Variants in PRH1 observed in about 807,000 individuals in gnomAD.
PRH1 encodes salivary acidic proline-rich phosphoprotein 1/2.
A neutral mutation model predicts 7.9 loss-of-function variants in PRH1; 7 were observed. The ratio of observed to expected loss-of-function variants is 0.89; its 90% CI spans 0.50 to 1.67. The LOEUF is 1.67. PRH1 is among the 40% of genes most tolerant of loss of function. PRH1 has a pLI of 0.00. For missense variants in PRH1, 109 were observed against 223.6 expected (o/e 0.49, Z 3.27); for synonymous variants, 45 against 80.8 (o/e 0.56, Z 2.38).
chr12:11,120,496 C>G (rs1246850047), downstream of PRH1, among the ~76,000 whole-genome samples: 1 of 152,152 alleles, frequency 6.6e-6, no homozygotes, highest in Non-Finnish European at 1.5e-5. Context: ...AGTAACTCTA[C>G]AGCTTTTTTA....
At chr12:10,970,226 G>T (rs1938740917) in intron 2 of PRH1, among the ~76,000 whole-genome samples, 1 of 152,092 alleles carries the variant, frequency 6.6e-6, no homozygotes, top group South Asian at 2.1e-4. Flanking sequence ...CTAATAGAGA[G>T]CCAAAAAATT....
At chr12:11,053,591 A>G (rs1943241247) in intron 1 of PRH1, among the ~76,000 whole-genome samples, 1 of 152,262 alleles carries the variant, frequency 6.6e-6, no homozygotes. Context: ...CTTTCCCACA[A>G]TGATATCTCT....
chr12:11,161,744 A>G (rs1947421717), intron 1 of PRH1, among the ~76,000 whole-genome samples: 1 of 152,202 alleles, frequency 6.6e-6, no homozygotes, highest in African/African-American at 2.4e-5. Flanking sequence ...GAGGCCCATT[A>G]AGACTTTTCA....
intron 1 of PRH1, among the ~76,000 whole-genome samples, chr12:11,129,144 C>T (rs1240383738): frequency 6.6e-6 from 1 of 152,258 alleles, no homozygotes; most frequent in African/African-American, 2.4e-5. Flanking sequence ...GGAACTCCTG[C>T]TCTCAAGGGA....
intron 1 of PRH1, among the ~76,000 whole-genome samples, chr12:11,103,597 G>A (rs1945321848): frequency 6.6e-6 from 1 of 151,946 alleles, no homozygotes; most frequent in Non-Finnish European, 1.5e-5. Flanking sequence ...TAAATGACGA[G>A]TTAATGGGTG....
chr12:11,160,497 GT>G (rs1947382227), intron 1 of PRH1, among the ~76,000 whole-genome samples: 1 of 152,132 alleles, frequency 6.6e-6, no homozygotes, highest in African/African-American at 2.4e-5. Flanking sequence ...TTGAGACAGA[GT>G]GAGACTCCAT....
rs1162598227 is a variant in PRH1 at position 11,079,799 on chromosome 12, A to G, written n.124-32611T>C. Among the ~76,000 whole-genome samples the G allele has an allele frequency of 1.7e-5, 2 of 116,794 alleles. 1 individual carries two copies. Among genetic ancestry groups the G allele is most frequent in the African/African-American group, 5.7e-5 (2 of 34,854 alleles). 76.6% of individuals were successfully genotyped at this position (116,794 alleles called of 152,430 possible). A position where few individuals can be genotyped will look rare whatever the true frequency, so the allele number is the denominator to read the frequency against. ...GTTTCAGAAAGGTGCAACTAAAATC[A>G]GAAAGTTTCTACTTAAAATCGCTTA... On this transcript the variant is annotated intron_variant and non_coding_transcript_variant, in intron 1 of 4. Transcript: ENST00000541977.
At chr12:11,119,157 T>C (rs543265907), downstream of PRH1, among the ~76,000 whole-genome samples, 11 of 152,188 alleles carry the variant, frequency 7.2e-5, no homozygotes, top group African/African-American at 2.6e-4. Flanking sequence ...ATAACTGCAA[T>C]GTTTGTGCAG....
chr12:11,152,728 C>T (rs1005780933), intron 1 of PRH1, among the ~76,000 whole-genome samples: 3 of 152,152 alleles, frequency 2.0e-5, no homozygotes, highest in Admixed American at 6.5e-5. Flanking sequence ...AATTTCCATG[C>T]CCATTAATGT....
At chr12:11,150,263 G>A (rs1447858275) in intron 1 of PRH1, among the ~76,000 whole-genome samples, 25 of 151,878 alleles carry the variant, frequency 1.6e-4, no homozygotes, top group Middle Eastern at 3.4e-3. Context: ...TCAGTGTGGC[G>A]ATTCCTCAGG....
rs775381196 is a variant in PRH1 at position 10,929,267 on chromosome 12, C to T, written c.-59+44388G>A. ...AAGTTGGGAGTGACACCAGAGCCTT[C>T]TGCAAGATGCTTCTGATTCTGCTGT... On this transcript the variant is annotated intron_variant, in intron 2 of 3. Transcript: ENST00000539853. 17 of 1,614,192 alleles carry T rather than the reference C, an allele frequency of 1.1e-5. No individual in the cohort carries two copies. The East Asian group carries it at 3.8e-4, about 36-fold the overall frequency.
intron 1 of PRH1, chr12:11,133,358 T>C (rs1314704012): frequency 2.5e-6 from 4 of 1,613,822 alleles, no homozygotes; most frequent in South Asian, 1.1e-5. Flanking sequence ...GTACCTCACA[T>C]GCCGCAAAAC....
intron 1 of PRH1, among the ~76,000 whole-genome samples, chr12:11,126,449 CTAGT>C (rs1164507119): frequency 6.6e-6 from 1 of 152,158 alleles, no homozygotes; most frequent in Non-Finnish European, 1.5e-5. Flanking sequence ...AAACGTCTCT[CTAGT>C]TGGTTCATTT....
intron 2 of PRH1, among the ~76,000 whole-genome samples, chr12:10,959,354 G>A (rs1369523563): frequency 3.3e-5 from 5 of 151,966 alleles, no homozygotes; most frequent in Admixed American, 3.3e-4. Context: ...TCGGAGACCA[G>A]CGTTGAGATC....
At chr12:10,902,361 T>C (rs1245786801) in intron 2 of PRH1, among the ~76,000 whole-genome samples, 1 of 152,064 alleles carries the variant, frequency 6.6e-6, no homozygotes, top group Non-Finnish European at 1.5e-5. Context: ...TAGAGCAATA[T>C]GGGATTATGT....
intron 1 of PRH1, chr12:11,133,946 G>A: frequency 6.2e-7 from 1 of 1,614,134 alleles, no homozygotes; most frequent in East Asian, 2.2e-5. Flanking sequence ...GCTGAGGCTA[G>A]TAGCAAGCCA....
In PRH1 at chr12:10,946,228, T is replaced by C. The variant is rs113931399; in HGVS notation, c.-59+27427A>G. ...AATCTTCACAATTTATGTTCAGAGA[T>C]TGCAGTAAAGACAGGCATAAGAAAT... is the stretch of plus-strand genomic sequence containing the variant. On this transcript the variant is annotated intron_variant, in intron 2 of 3. Coordinates refer to the PRH1 transcript ENST00000539853. Among the ~76,000 whole-genome samples the C allele has an allele frequency of 4.0e-3, 606 of 152,326 alleles. 5 individuals are homozygous for C. The highest frequency in any genetic ancestry group is 0.014 in the African/African-American group (566 of 41,570).
chr12:11,143,415 A>C (rs1946764484), intron 1 of PRH1, among the ~76,000 whole-genome samples: 1 of 152,212 alleles, frequency 6.6e-6, no homozygotes, highest in Non-Finnish European at 1.5e-5. Flanking sequence ...CAGAGAAAAT[A>C]ACCTTCACTA....
At chr12:11,037,829 C>T (rs1245407953) in intron 1 of PRH1, among the ~76,000 whole-genome samples, 7 of 152,174 alleles carry the variant, frequency 4.6e-5, no homozygotes, top group Admixed American at 4.6e-4. Flanking sequence ...TGCCTGAGCA[C>T]AAGAGTTCAA....
Sources: allele counts gnomAD v4.1 joint callset (sites outside exome capture counted in the v4.1 genomes callset), GRCh38; gene constraint gnomAD v4.1.1; transcripts MANE v1.5; gene names NCBI Gene and HGNC (gene_info 2026-07-23, HGNC 2026-07-21).